Variants in PATJ observed in about 807,000 individuals in gnomAD.
PATJ encodes the protein PATJ crumbs cell polarity complex component, also known as inaD-like protein.
In PATJ, 190 loss-of-function variants were observed where a neutral mutation model predicts 224.9. The ratio of observed to expected loss-of-function variants is 0.84; its 90% CI spans 0.75 to 0.95. The LOEUF (loss-of-function observed/expected upper bound fraction) is 0.95, where lower values mean the gene tolerates loss of function less well. Ranked by LOEUF, PATJ falls within the 40% of genes least tolerant of loss-of-function variation. The probability of loss-of-function intolerance (pLI) is 0.00; values close to 1 mark genes in which losing one functional copy is unlikely to be tolerated. For synonymous variants in PATJ, 769 were observed against 820.3 expected (o/e 0.94, Z 1.07); for missense variants, 2,121 against 2,270.3 (o/e 0.93, Z 1.34).
At chr1:62,038,867 T>C (rs1445808395) in intron 30 of PATJ, 3 of 774,082 alleles carry the variant, frequency 3.9e-6, no homozygotes, top group Non-Finnish European at 7.0e-6. Context: ...GAGCAGCGCA[T>C]AGAAGATACA....
At chr1:61,894,262 A>ACAAC (rs1416461626) in intron 22 of PATJ, among the ~76,000 whole-genome samples, 1 of 138,292 alleles carries the variant, frequency 7.2e-6, no homozygotes, top group Non-Finnish European at 1.5e-5. Context: ...CTCATAAAAA[A>ACAAC]AAAAAAACAC....
intron 9 of PATJ, among the ~76,000 whole-genome samples, chr1:61,792,003 A>G (rs1370918441): frequency 6.6e-6 from 1 of 152,188 alleles, no homozygotes; most frequent in Non-Finnish European, 1.5e-5. Flanking sequence ...TTCCTTTATT[A>G]TAAGAGAATT....
chr1:61,878,919 G>C (rs900450258), intron 21 of PATJ, among the ~76,000 whole-genome samples: 4 of 152,044 alleles, frequency 2.6e-5, no homozygotes, highest in African/African-American at 9.7e-5. Context: ...GAGTAGCTGG[G>C]ATTACAGGCG....
intron 22 of PATJ, among the ~76,000 whole-genome samples, chr1:61,892,751 C>A (rs1308161201): frequency 1.5e-5 from 2 of 132,738 alleles, no homozygotes; most frequent in African/African-American, 5.4e-5. Flanking sequence ...TGCATAGCCT[C>A]CCCTATTGTC....
chr1:62,125,553 G>A (rs1352673251), intron 39 of PATJ, among the ~76,000 whole-genome samples: 1 of 152,098 alleles, frequency 6.6e-6, no homozygotes, highest in African/African-American at 2.4e-5. Context: ...GAAGTTAAAT[G>A]TACCAACAGT....
chr1:61,990,319 T>C lies in PATJ; in HGVS notation c.3822T>C (p.Pro1274=). 1 of 1,613,534 alleles carries C rather than the reference T, an allele frequency of 6.2e-7. No individual in the cohort carries two copies. Among genetic ancestry groups the C allele is most frequent in the East Asian group, 2.2e-5 (1 of 44,868 alleles). ...IFVVGINPEG[P]AAADGRMRIG... ...TGGTGGGAATTAACCCGGAAGGACC[T>C]GCTGCCGCAGATGGACGAATGCGTA... The change falls in exon 28 of 44, where the codon CCT becomes CCC. Residue 1274 remains proline, a synonymous_variant. Transcript: ENST00000642238.
chr1:61,743,982 C>T (rs1429937585), intron 1 of PATJ, among the ~76,000 whole-genome samples: 1 of 152,030 alleles, frequency 6.6e-6, no homozygotes, highest in Non-Finnish European at 1.5e-5. Context: ...CCAGAGTTGG[C>T]CATTGTTGAA....
intron 31 of PATJ, among the ~76,000 whole-genome samples, chr1:62,057,534 T>C (rs1256190848): frequency 6.6e-6 from 1 of 152,128 alleles, no homozygotes; most frequent in African/African-American, 2.4e-5. Flanking sequence ...TGGTTGAGAG[T>C]TGATTGCAGC....
chr1:62,093,898 A>G (rs750621346), intron 33 of PATJ, among the ~76,000 whole-genome samples: 13 of 152,226 alleles, frequency 8.5e-5, no homozygotes, highest in Admixed American at 1.3e-4. Flanking sequence ...AAATAAATAT[A>G]AAGCCATTTC....
intron 34 of PATJ, among the ~76,000 whole-genome samples, chr1:62,112,422 C>G (rs544583863): frequency 1.3e-5 from 2 of 152,292 alleles, no homozygotes; most frequent in South Asian, 4.1e-4. Flanking sequence ...TGGAGAATTG[C>G]TTGAAACCGG....
At chr1:61,851,413 G>A (rs1258400364) in intron 17 of PATJ, among the ~76,000 whole-genome samples, 1 of 152,100 alleles carries the variant, frequency 6.6e-6, no homozygotes, top group Non-Finnish European at 1.5e-5. Flanking sequence ...GTCAGGGAGG[G>A]CGTTCGTGGC....
intron 17 of PATJ, among the ~76,000 whole-genome samples, chr1:61,853,895 G>C (rs1412136734): frequency 1.3e-5 from 2 of 152,100 alleles, no homozygotes; most frequent in African/African-American, 4.8e-5. Context: ...TATTACATCA[G>C]AGCCTGTAAG....
At chr1:62,034,268 C>T (rs1334119327) in intron 29 of PATJ, among the ~76,000 whole-genome samples, 1 of 152,014 alleles carries the variant, frequency 6.6e-6, no homozygotes, top group African/African-American at 2.4e-5. Flanking sequence ...CATGGTGATA[C>T]TCCATCTCTA....
At position 62,106,045 on chromosome 1, in the gene PATJ, T is replaced by TAAAA. The variant is rs1218285369; in HGVS notation, c.4378-2376_4378-2373dup. Among the ~76,000 whole-genome samples the TAAAA allele has an allele frequency of 1.2e-3, 37 of 30,206 alleles. 3 individuals carry two copies. Among genetic ancestry groups the TAAAA allele is most frequent in the African/African-American group, 4.4e-3 (23 of 5,172 alleles). The allele number at this position is 30,206 out of a possible 152,430, so 19.8% of individuals were successfully genotyped here. A position where few individuals can be genotyped will look rare whatever the true frequency, so the allele number is the denominator to read the frequency against. On this transcript the variant is annotated intron_variant, in intron 33 of 43. Transcript: ENST00000642238. ...CTGGGCAACATAGTGAGACTCCTCT[T>TAAAA]AAAAAAAAAAAAAAAAAAATATATA...
intron 19 of PATJ, among the ~76,000 whole-genome samples, chr1:61,863,030 T>G (rs986020588): frequency 9.2e-6 from 1 of 109,254 alleles, no homozygotes; most frequent in Non-Finnish European, 2.2e-5. Context: ...GTTTTCAGTT[T>G]TTTTTTTTTT....
rs1377221089 is a variant in PATJ at position 61,899,662 on chromosome 1, G to C, written c.3203+8G>C. 1 of 1,595,816 alleles carries C rather than the reference G, an allele frequency of 6.3e-7. No individual in the cohort carries two copies. Among genetic ancestry groups the C allele is most frequent in the Non-Finnish European group, 8.6e-7 (1 of 1,169,482 alleles). On this transcript the variant is annotated splice_region_variant and intron_variant, in intron 23 of 43. Coordinates refer to ENST00000642238, the MANE Select transcript of PATJ (RefSeq NM_001350145.3). Reference sequence around the variant, plus strand: ...CTGGGGTCCACCGAGAATGTATGTGGATGACATTATTGTGGCTTTCTCAAT... The same window carrying C: ...CTGGGGTCCACCGAGAATGTATGTGCATGACATTATTGTGGCTTTCTCAAT...
intron 6 of PATJ, among the ~76,000 whole-genome samples, chr1:61,772,875 G>A (rs577981776): frequency 6.6e-5 from 10 of 152,274 alleles, no homozygotes; most frequent in South Asian, 2.1e-4. Flanking sequence ...GAGAAGGCAC[G>A]TGAAGAACTA....
chr1:62,056,336 C>T (rs563916315), intron 31 of PATJ, among the ~76,000 whole-genome samples: 18 of 152,248 alleles, frequency 1.2e-4, no homozygotes, highest in Admixed American at 3.9e-4. Context: ...AGTATCATTT[C>T]CATGTAAGAG....
chr1:62,073,357 T>C, intron 31 of PATJ: 1 of 982,380 alleles, frequency 1.0e-6, no homozygotes, highest in South Asian at 4.7e-5. Flanking sequence ...GCATGGTGGC[T>C]CATGCTTGTA....
Sources: allele counts gnomAD v4.1 joint callset (sites outside exome capture counted in the v4.1 genomes callset), GRCh38; gene constraint gnomAD v4.1.1; transcripts MANE v1.5; gene names NCBI Gene and HGNC (gene_info 2026-07-23, HGNC 2026-07-21).